AFG3L2: variants seen among roughly 807,000 people sequenced by gnomAD.
AFG3L2 encodes mitochondrial inner membrane m-AAA protease component AFG3L2.
AFG3L2 carries 54 observed loss-of-function variants against 94.5 expected under a neutral mutation model. That is an observed-to-expected ratio of 0.57 (90% confidence interval 0.46 to 0.72). AFG3L2 has a LOEUF of 0.72. Among genes scored for constraint, AFG3L2 ranks in the 30% least tolerant of loss-of-function variants. AFG3L2 has a pLI of 0.00. For synonymous variants in AFG3L2, 377 were observed against 365.5 expected, an observed-to-expected ratio of 1.03 and a Z score of -0.36; for missense variants, 754 against 994.9, an observed-to-expected ratio of 0.76 and a Z score of 3.26.
At chr18:12,332,415 A>G in intron 16 of AFG3L2, among the ~76,000 whole-genome samples, 1 of 152,174 alleles carries the variant, frequency 6.6e-6, no homozygotes, top group African/African-American at 2.4e-5. Context: ...ATTTCTTGAG[A>G]TAACTCCTTA....
In AFG3L2 at chr18:12,371,434, A is replaced by G. The variant is rs72875314; in HGVS notation, c.214+158T>C. 5.6e-3 allele frequency among the ~76,000 whole-genome samples: 852 copies of G among 152,258 alleles called. 6 individuals are homozygous for G. Among genetic ancestry groups the G allele is most frequent in the Non-Finnish European group, 8.5e-3 (576 of 68,008 alleles). ...TTAAAGGAAAAAGCCTCCTTTTTGC[A>G]TATCAATTTCATTATCTACAAATGT... On this transcript the variant is annotated intron_variant, in intron 2 of 16. Transcript: ENST00000269143.
At position 12,329,549 on chromosome 18, in the gene AFG3L2, G is replaced by A. The variant is rs373716760; in HGVS notation, c.*16C>T. On this transcript the variant is annotated 3_prime_UTR_variant, in exon 17 of 17. Coordinates refer to ENST00000269143, the MANE Select transcript of AFG3L2 (RefSeq NM_006796.3). ...AAACCACAGTGGACAGACTGAGATG[G>A]CCTCCCTCTGGGCCTCTAGTTGGCA... 16 of 1,609,554 alleles carry A rather than the reference G, an allele frequency of 9.9e-6. 1 individual carries two copies. The African/African-American group carries it at 2.0e-4, about 20-fold the overall frequency.
chr18:12,339,058 C>G (rs1907848477), intron 15 of AFG3L2, among the ~76,000 whole-genome samples: 1 of 151,162 alleles, frequency 6.6e-6, no homozygotes, highest in Admixed American at 6.6e-5. Context: ...ACAAGACCAT[C>G]CTGGCTAACA....
chr18:12,361,857 A>G (rs1908671704), intron 6 of AFG3L2, among the ~76,000 whole-genome samples: 1 of 152,242 alleles, frequency 6.6e-6, no homozygotes. Context: ...CATGGTTACA[A>G]AGCCCCAAAA....
intron 16 of AFG3L2, among the ~76,000 whole-genome samples, chr18:12,334,678 C>A (rs1470520883): frequency 2.6e-5 from 4 of 152,158 alleles, no homozygotes; most frequent in African/African-American, 4.8e-5. Context: ...TCATGGCCAC[C>A]CCTGCAGGCA....
At chr18:12,363,933 C>T (rs963819552) in intron 5 of AFG3L2, 77 bp from the exon 6 acceptor site, 4 of 1,095,296 alleles carry the variant, frequency 3.7e-6, no homozygotes, top group African/African-American at 1.5e-5. Flanking sequence ...ATTTAAAATG[C>T]ATATGATGTT....
chr18:12,336,959 C>G (rs1054839222), intron 16 of AFG3L2, among the ~76,000 whole-genome samples: 3 of 152,184 alleles, frequency 2.0e-5, no homozygotes, highest in African/African-American at 7.2e-5. Flanking sequence ...TTTACTTGCC[C>G]TTTCATCTTT....
At chr18:12,353,285 C>T (rs1598830567) in intron 9 of AFG3L2, 127 bp from the exon 10 acceptor site, 10 of 1,145,286 alleles carry the variant, frequency 8.7e-6, no homozygotes, top group Middle Eastern at 2.3e-4. Context: ...GAGGCCGAGG[C>T]TGGTGGATCA....
intron 16 of AFG3L2, among the ~76,000 whole-genome samples, chr18:12,332,955 ATAC>A (rs1367495065): frequency 6.3e-4 from 75 of 118,998 alleles, no homozygotes; most frequent in Admixed American, 1.1e-3. Flanking sequence ...AATATATTAT[ATAC>A]TATAATATAT....
intron 3 of AFG3L2, among the ~76,000 whole-genome samples, chr18:12,369,900 C>CA (rs200737390): frequency 1.2e-3 from 175 of 141,476 alleles, no homozygotes; most frequent in South Asian, 7.0e-3. Flanking sequence ...ACTAAAAATA[C>CA]AAAAAAAAAA....
At chr18:12,350,573 G>GA (rs2073046093) in intron 12 of AFG3L2, among the ~76,000 whole-genome samples, 2 of 152,200 alleles carry the variant, frequency 1.3e-5, no homozygotes, top group Admixed American at 1.3e-4. Context: ...AATTGTTCCT[G>GA]AAACTAGGTG....
intron 16 of AFG3L2, 124 bp downstream of exon 16, chr18:12,337,217 G>A (rs775109119): frequency 2.0e-5 from 17 of 862,350 alleles, no homozygotes; most frequent in South Asian, 5.3e-5. Flanking sequence ...CAGAACGAAC[G>A]GACCCATGGG....
At chr18:12,349,671 A>AT (rs1466547748) in intron 12 of AFG3L2, among the ~76,000 whole-genome samples, 3 of 151,394 alleles carry the variant, frequency 2.0e-5, no homozygotes, top group Non-Finnish European at 4.4e-5. Flanking sequence ...TTTTATTTTT[A>AT]TTTTTTTGAG....
intron 9 of AFG3L2, among the ~76,000 whole-genome samples, chr18:12,355,589 C>T (rs1023072671): frequency 6.6e-6 from 1 of 151,980 alleles, no homozygotes. Flanking sequence ...ATAAAAAAAC[C>T]ACATATTGTA....
intron 6 of AFG3L2, among the ~76,000 whole-genome samples, chr18:12,361,064 A>T (rs1259405078): frequency 6.6e-6 from 1 of 152,244 alleles, no homozygotes; most frequent in Non-Finnish European, 1.5e-5. Context: ...AAATCAAAAC[A>T]GTAAGTCTAT....
chr18:12,377,166 C>G lies in AFG3L2; in HGVS notation c.-84G>C. The G allele has an allele frequency of 8.9e-7, 1 of 1,127,736 alleles. No individual in the cohort carries two copies. Among genetic ancestry groups the G allele is most frequent in the Non-Finnish European group, 1.2e-6 (1 of 827,888 alleles). The allele number at this position is 1,127,736 out of a possible 1,614,324, so 69.9% of individuals were successfully genotyped here. ...TGGCGGCCTCGGGAAGCGGGCTCGG[C>G]TCGGGGAAAGGCCGCCAGGCAGCGA... On this transcript the variant is annotated 5_prime_UTR_variant, in exon 1 of 17. Coordinates refer to ENST00000269143, the MANE Select transcript of AFG3L2 (RefSeq NM_006796.3).
At chr18:12,365,199 G>A (rs965842664) in intron 5 of AFG3L2, among the ~76,000 whole-genome samples, 18 of 152,160 alleles carry the variant, frequency 1.2e-4, no homozygotes, top group African/African-American at 4.1e-4. Flanking sequence ...AGGAATGACT[G>A]GCACTGCTCC....
chr18:12,361,535 C>A (rs1443738221), intron 6 of AFG3L2, among the ~76,000 whole-genome samples: 2 of 152,164 alleles, frequency 1.3e-5, no homozygotes, highest in Non-Finnish European at 2.9e-5. Context: ...GCAATCCCAG[C>A]TACTTGGGAG....
chr18:12,350,435 CTTAGGAA>C (rs59490314), intron 12 of AFG3L2, among the ~76,000 whole-genome samples: 11,060 of 152,066 alleles, frequency 0.073, 1,325 homozygotes, highest in African/African-American at 0.25. Context: ...TAAAAAAACG[CTTAGGAA>C]TAATTCCTAC....
Sources: allele counts gnomAD v4.1 joint callset (sites outside exome capture counted in the v4.1 genomes callset), GRCh38; gene constraint gnomAD v4.1.1; transcripts MANE v1.5; gene names NCBI Gene and HGNC (gene_info 2026-07-23, HGNC 2026-07-21).